Variants in CPD observed in about 807,000 individuals in gnomAD.
The protein encoded by CPD is carboxypeptidase D, also known as metallocarboxypeptidase D.
CPD carries 69 observed loss-of-function variants against 138.3 expected under a neutral mutation model. The ratio of observed to expected loss-of-function variants is 0.50; its 90% CI spans 0.41 to 0.61. The LOEUF is 0.61. CPD is among the 20% of genes least tolerant of loss of function. The pLI, the probability that CPD is intolerant of heterozygous loss-of-function variation, is 0.00. For synonymous variants in CPD, 651 were observed against 642.1 expected (o/e 1.01, Z -0.21); for missense variants, 1,432 against 1,733.3 (o/e 0.83, Z 3.09).
Position 30,384,995 on chromosome 17 carries a change from G to C in CPD, c.753G>C (p.Val251=). The change falls in exon 2 of 21, where the codon GTG becomes GTC. Residue 251 remains valine (V), a synonymous_variant. Transcript: ENST00000225719. Reference sequence around the variant, plus strand: ...TTTGGTTGTATTTTCAAAGGTTTGTGCTTTCTGGAAATCTGCATGGTGGCT... The same window carrying C: ...TTTGGTTGTATTTTCAAAGGTTTGTCCTTTCTGGAAATCTGCATGGTGGCT... ...LIEWIRRNKF[V]LSGNLHGGSV... is the part of the protein sequence containing the mutation. 1 of 1,612,502 alleles carries C rather than the reference G, an allele frequency of 6.2e-7. No homozygotes were observed. The highest frequency in any genetic ancestry group is 8.5e-7 in the Non-Finnish European group (1 of 1,178,950).
intron 10 of CPD, 109 bp downstream of exon 10, chr17:30,442,559 A>T (rs1273643679): frequency 9.6e-7 from 1 of 1,043,770 alleles, no homozygotes; most frequent in Non-Finnish European, 1.4e-6. Flanking sequence ...TAAAATTTCA[A>T]TTCATTTTAG....
intron 2 of CPD, among the ~76,000 whole-genome samples, chr17:30,415,665 C>T (rs1912085925): frequency 6.6e-6 from 1 of 152,138 alleles, no homozygotes; most frequent in African/African-American, 2.4e-5. Flanking sequence ...AAAAGATGCT[C>T]TACATCATGA....
chr17:30,425,604 C>T (rs1018520656), intron 6 of CPD, among the ~76,000 whole-genome samples: 3 of 149,790 alleles, frequency 2.0e-5, no homozygotes, highest in Non-Finnish European at 3.0e-5. Flanking sequence ...AGCAGTGAGC[C>T]GAGATGGCGC....
intron 17 of CPD, 109 bp from the exon 18 acceptor site, chr17:30,461,071 A>G (rs892914870): frequency 2.4e-5 from 18 of 765,554 alleles, no homozygotes; most frequent in Non-Finnish European, 3.3e-5. Flanking sequence ...TTCTTTGTTT[A>G]CGTCAGCTAC....
At chr17:30,437,517 C>T (rs1431920070) in intron 8 of CPD, among the ~76,000 whole-genome samples, 1 of 151,858 alleles carries the variant, frequency 6.6e-6, no homozygotes. Flanking sequence ...AAACCCCATC[C>T]CTACAAAAAA....
In CPD at chr17:30,462,406, A is replaced by T; in HGVS notation, c.3853A>T (p.Ile1285Leu). The change falls in exon 20 of 21, where the codon ATA becomes TTA. Residue 1285 changes from isoleucine (I) to leucine (L), a missense_variant. Physicochemically the swap from Ile to Leu is conservative, Grantham distance 5. Coordinates refer to ENST00000225719, the MANE Select transcript of CPD (RefSeq NM_001304.5). The part of the protein sequence containing the change: ...VHHDAASSVV[I>L]VFDTDNRIFG... ...TCATGATGCAGCTAGTTCTGTGGTG[A>T]TAGTCTTTGACACAGATAACCGGAT... 6.2e-7 allele frequency: 1 copy of T among 1,613,972 alleles called. No individual in the cohort carries two copies. The highest frequency in any genetic ancestry group is 8.5e-7 in the Non-Finnish European group (1 of 1,179,906).
Position 30,449,699 on chromosome 17 carries a change from T to C in CPD, c.3020T>C (p.Leu1007Pro). Residue 1007 changes from leucine (L) to proline (P), a missense_variant, in exon 13 of 21, where the codon CTG becomes CCG. Around this residue, in one of 6 missense-constraint regions of CPD, gnomAD observed 366 missense variants for 518.8 expected, o/e 0.71. Transcript: ENST00000225719. The stretch of plus-strand genomic sequence containing the variant: ...GTTGGAACTGAACTGCTTTTGGCTC[T>C]GGCAGAATTTCTCTGCCTGAACTAC... ...APVGTELLLALAEFLCLNYKK... is the reference protein window; with the variant it reads ...APVGTELLLAPAEFLCLNYKK... 6.3e-7 allele frequency: 1 copy of C among 1,590,640 alleles called. No individual in the cohort carries two copies. Among genetic ancestry groups the C allele is most frequent in the South Asian group, 1.2e-5 (1 of 86,052 alleles).
intron 2 of CPD, among the ~76,000 whole-genome samples, chr17:30,393,671 C>T (rs1475682530): frequency 2.6e-5 from 4 of 152,090 alleles, no homozygotes; most frequent in African/African-American, 4.8e-5. Context: ...ACCTAATGAA[C>T]GCGTACAGAA....
At chr17:30,394,897 G>T (rs559968435) in intron 2 of CPD, among the ~76,000 whole-genome samples, 165 of 105,226 alleles carry the variant, frequency 1.6e-3, no homozygotes, top group African/African-American at 6.2e-3. Context: ...GTGAGCATGT[G>T]TGTATGTGTG....
At chr17:30,392,645 A>G (rs1263496224) in intron 2 of CPD, among the ~76,000 whole-genome samples, 2 of 152,226 alleles carry the variant, frequency 1.3e-5, no homozygotes, top group African/African-American at 4.8e-5. Flanking sequence ...GATGACCTTC[A>G]GTTTGAAAAA....
chr17:30,393,965 A>C (rs562194865), intron 2 of CPD, among the ~76,000 whole-genome samples: 4 of 152,112 alleles, frequency 2.6e-5, no homozygotes, highest in East Asian at 1.9e-4. Flanking sequence ...GTGAGACCTC[A>C]TCTCTTAAAA....
Position 30,379,793 on chromosome 17 carries a change from A to C in CPD, c.746+67A>C, listed in dbSNP as rs1597702032. ...AGGGCCGAGGCTGGTTCCGGCACCC[A>C]GTAGGCGCTCAGACAATGCTGGCAT... On this transcript the variant is annotated intron_variant, in intron 1 of 20. Transcript: ENST00000225719. The surrounding 1 kb of genome is among the most constrained non-coding windows in gnomAD (Gnocchi z 7.0). The C allele has an allele frequency of 8.6e-7, 1 of 1,157,366 alleles. No homozygotes were observed. The highest frequency in any genetic ancestry group is 1.1e-6 in the Non-Finnish European group (1 of 877,482). 71.7% of individuals were successfully genotyped at this position (1,157,366 alleles called of 1,614,324 possible).
chr17:30,384,937 T>C, intron 1 of CPD, 52 bp from the exon 2 acceptor site: 1 of 1,570,672 alleles, frequency 6.4e-7, no homozygotes, highest in Non-Finnish European at 8.6e-7. Flanking sequence ...TTTTAATGCA[T>C]GGTGTTTTGT....
At chr17:30,396,542 G>A (rs192016550) in intron 2 of CPD, among the ~76,000 whole-genome samples, 46 of 152,252 alleles carry the variant, frequency 3.0e-4, no homozygotes, top group African/African-American at 8.9e-4. Flanking sequence ...TCTTTCTGTG[G>A]TGAAAAGAGT....
rs34756707 is a variant in CPD, at chr17:30,459,146, CTT to C, written c.3499-2017_3499-2016del. ...TATGTTTGCCTTTATGCCAGTATCACTTTTTTTTTTTTTTTTTTGGTTGTTGT... is the reference window on the plus strand; with the variant it reads ...TATGTTTGCCTTTATGCCAGTATCACTTTTTTTTTTTTTTTTGGTTGTTGT... On this transcript the variant is annotated intron_variant, in intron 17 of 20. Transcript: ENST00000225719. 6.8e-3 allele frequency among the ~76,000 whole-genome samples: 442 copies of C among 64,922 alleles called. 2 individuals carry two copies. Among genetic ancestry groups the C allele is most frequent in the African/African-American group, 0.021 (398 of 18,864 alleles). 42.6% of individuals were successfully genotyped at this position (64,922 alleles called of 152,430 possible).
At chr17:30,431,079 G>A (rs780526462) in intron 7 of CPD, among the ~76,000 whole-genome samples, 6 of 152,100 alleles carry the variant, frequency 3.9e-5, no homozygotes, top group Admixed American at 2.6e-4. Flanking sequence ...TTACATTCCC[G>A]CCAGCAATGT....
intron 17 of CPD, chr17:30,456,987 C>T (rs947884856): frequency 2.6e-5 from 4 of 156,704 alleles, no homozygotes; most frequent in African/African-American, 4.8e-5. Flanking sequence ...TACATTAACC[C>T]GACAGTACTT....
chr17:30,455,641 G>T, intron 15 of CPD, 171 bp downstream of exon 15: 1 of 620,554 alleles, frequency 1.6e-6, no homozygotes, highest in Admixed American at 3.6e-5. Flanking sequence ...TACTTGGAGA[G>T]CTCAGATCTA....
At chr17:30,428,409 T>C (rs1364979279) in intron 7 of CPD, among the ~76,000 whole-genome samples, 1 of 152,316 alleles carries the variant, frequency 6.6e-6, no homozygotes, top group South Asian at 2.1e-4. Context: ...TCAGGATTAT[T>C]CACAATAACA....
Sources: gnomAD v4.1 joint callset for allele counts (sites outside exome capture counted in the v4.1 genomes callset) on GRCh38, gnomAD v4.1.1 for gene constraint, gnomAD v4.1.1 regional missense constraint, Gnocchi (gnomAD v3.1) non-coding constraint, MANE v1.5 for transcripts, NCBI Gene and HGNC (gene_info 2026-07-23, HGNC 2026-07-21) for gene names.